Variants in TACR3 observed in about 807,000 individuals in gnomAD.
TACR3 encodes the protein tachykinin receptor 3, also known as neuromedin-K receptor.
A neutral mutation model predicts 35.0 loss-of-function variants in TACR3; 34 were observed. The observed-to-expected ratio is 0.97, with a 90% confidence interval of 0.74 to 1.30. The LOEUF is 1.30. Ranked by LOEUF, TACR3 falls within the 50% of genes most tolerant of loss-of-function variation. The pLI, the probability that TACR3 is intolerant of heterozygous loss-of-function variation, is 0.00. For missense variants in TACR3, 558 were observed against 591.7 expected (o/e 0.94, Z 0.59); for synonymous variants, 233 against 221.1 (o/e 1.05, Z -0.48).
intron 3 of TACR3, among the ~76,000 whole-genome samples, chr4:103,597,149 T>C (rs1226330715): frequency 2.1e-5 from 3 of 144,338 alleles, no homozygotes; most frequent in Non-Finnish European, 3.0e-5. Context: ...ATGGTATTTC[T>C]AGTTCTAGTT....
intron 1 of TACR3, among the ~76,000 whole-genome samples, chr4:103,716,733 T>C (rs960715067): frequency 6.6e-6 from 1 of 152,180 alleles, no homozygotes; most frequent in African/African-American, 2.4e-5. Context: ...CTTTTGATTT[T>C]AGGCACAGGA....
intron 3 of TACR3, among the ~76,000 whole-genome samples, chr4:103,622,231 C>T (rs1304562266): frequency 1.3e-5 from 2 of 151,866 alleles, no homozygotes; most frequent in Non-Finnish European, 2.9e-5. Context: ...GAAGCCACAG[C>T]GAATTAATCA....
Position 103,587,502 on chromosome 4 carries a change from G to A in TACR3, c.*2180C>T, listed in dbSNP as rs973008169. ...CTGACGAGGCCAGTATTTTTCCTTAGAAATAAATGTCTTAGAAAATTCTAC... is the reference window on the plus strand; with the variant it reads ...CTGACGAGGCCAGTATTTTTCCTTAAAAATAAATGTCTTAGAAAATTCTAC... On this transcript the variant is annotated 3_prime_UTR_variant, in exon 5 of 5. Transcript: ENST00000304883. The A allele has an allele frequency of 1.3e-5, 2 of 152,076 alleles. No homozygotes were observed. The highest frequency in any genetic ancestry group is 1.3e-4 in the Admixed American group (2 of 15,244). 9.4% of individuals were successfully genotyped at this position (152,076 alleles called of 1,614,324 possible).
chr4:103,674,562 T>C (rs1187351052), intron 1 of TACR3, among the ~76,000 whole-genome samples: 1 of 152,154 alleles, frequency 6.6e-6, no homozygotes, highest in Non-Finnish European at 1.5e-5. Flanking sequence ...TTTTCTCTTG[T>C]TTTGTTTTGA....
At chr4:103,688,535 C>A (rs1174252736) in intron 1 of TACR3, among the ~76,000 whole-genome samples, 7 of 150,466 alleles carry the variant, frequency 4.7e-5, no homozygotes, top group African/African-American at 1.5e-4. Flanking sequence ...CTACAATGAA[C>A]TCAAACAAAT....
intron 1 of TACR3, among the ~76,000 whole-genome samples, chr4:103,689,209 A>C (rs942577873): frequency 7.7e-6 from 1 of 130,520 alleles, no homozygotes; most frequent in African/African-American, 3.0e-5. Context: ...ATGAGAACAC[A>C]TGGGCACAGG....
At chr4:103,658,114 C>G (rs949418960) in intron 2 of TACR3, 101 bp downstream of exon 2, 1 of 1,176,572 alleles carries the variant, frequency 8.5e-7, no homozygotes, top group Non-Finnish European at 1.3e-6. Flanking sequence ...ATGTATGAAC[C>G]CTGGGGGAAA....
At chr4:103,715,051 A>G (rs1723059164) in intron 1 of TACR3, among the ~76,000 whole-genome samples, 1 of 152,312 alleles carries the variant, frequency 6.6e-6, no homozygotes, top group South Asian at 2.1e-4. Flanking sequence ...AGTTTTGTTG[A>G]ACGCTCCTTT....
At chr4:103,595,594 A>G (rs1376473843) in intron 3 of TACR3, among the ~76,000 whole-genome samples, 2 of 152,108 alleles carry the variant, frequency 1.3e-5, no homozygotes, top group Non-Finnish European at 2.9e-5. Flanking sequence ...GTTCTTATTC[A>G]TTACATTAAA....
At chr4:103,618,553 G>T (rs1724707350) in intron 3 of TACR3, among the ~76,000 whole-genome samples, 1 of 127,298 alleles carries the variant, frequency 7.9e-6, no homozygotes. Context: ...GGATTGCTTT[G>T]GTGACTTGGG....
intron 1 of TACR3, among the ~76,000 whole-genome samples, chr4:103,693,866 T>C (rs1006883390): frequency 6.6e-6 from 1 of 152,142 alleles, no homozygotes; most frequent in African/African-American, 2.4e-5. Context: ...TTTATGATTT[T>C]ATTGCTACAG....
At chr4:103,622,272 C>CAAAG (rs1239273013) in intron 3 of TACR3, among the ~76,000 whole-genome samples, 4 of 152,038 alleles carry the variant, frequency 2.6e-5, no homozygotes, top group Non-Finnish European at 5.9e-5. Context: ...GAGAAGCAGG[C>CAAAG]AAAGAGATGT....
chr4:103,660,290 C>G (rs890201164), intron 1 of TACR3, among the ~76,000 whole-genome samples: 1 of 151,908 alleles, frequency 6.6e-6, no homozygotes, highest in Non-Finnish European at 1.5e-5. Context: ...TCATATTTGT[C>G]CTTTTGTGAC....
rs551346325 is a variant in TACR3 at position 103,692,011 on chromosome 4, T to C, written c.548+27117A>G. On this transcript the variant is annotated intron_variant, in intron 1 of 4. Coordinates refer to ENST00000304883, the MANE Select transcript of TACR3 (RefSeq NM_001059.3). Reference sequence around the variant, plus strand: ...CCTGATTTCCCACTTCACACCTCTATATTTCTGTGTGTGTGTGTCTTTAAT... The same window carrying C: ...CCTGATTTCCCACTTCACACCTCTACATTTCTGTGTGTGTGTGTCTTTAAT... Among the ~76,000 whole-genome samples the C allele has an allele frequency of 3.5e-3, 540 of 152,264 alleles. 1 individual carries two copies. The highest frequency in any genetic ancestry group is 0.02 in the Middle Eastern group (6 of 294).
At chr4:103,649,342 T>G (rs1408024254) in intron 3 of TACR3, among the ~76,000 whole-genome samples, 2 of 152,108 alleles carry the variant, frequency 1.3e-5, no homozygotes, top group Non-Finnish European at 2.9e-5. Flanking sequence ...TTGTTGGGTA[T>G]TACTCAAGAA....
intron 1 of TACR3, among the ~76,000 whole-genome samples, chr4:103,670,922 C>T (rs771308516): frequency 3.3e-5 from 5 of 151,960 alleles, no homozygotes; most frequent in South Asian, 4.1e-4. Flanking sequence ...TCAGTTTTTC[C>T]CATTCAGTAT....
intron 3 of TACR3, among the ~76,000 whole-genome samples, chr4:103,596,910 G>A (rs930921081): frequency 2.0e-5 from 3 of 151,770 alleles, no homozygotes; most frequent in African/African-American, 7.3e-5. Flanking sequence ...CTTCATCCAT[G>A]TCCCTACAAA....
chr4:103,703,321 C>A (rs961417128), intron 1 of TACR3, among the ~76,000 whole-genome samples: 4 of 151,940 alleles, frequency 2.6e-5, no homozygotes, highest in Non-Finnish European at 1.5e-5. Context: ...ACAACCATAC[C>A]ACCACTCATC....
At chr4:103,603,878 C>A (rs189235107) in intron 3 of TACR3, among the ~76,000 whole-genome samples, 1 of 152,266 alleles carries the variant, frequency 6.6e-6, no homozygotes, top group African/African-American at 2.4e-5. Flanking sequence ...CAAACCACTG[C>A]TCAAGGAAAT....
Sources: gnomAD v4.1 joint callset for allele counts (sites outside exome capture counted in the v4.1 genomes callset) on GRCh38, gnomAD v4.1.1 for gene constraint, MANE v1.5 for transcripts, NCBI Gene and HGNC (gene_info 2026-07-23, HGNC 2026-07-21) for gene names.